Variants in WDR44 observed in about 807,000 individuals in gnomAD.
WDR44 encodes the protein WD repeat-containing protein 44.
Under a neutral mutation model 65.7 loss-of-function variants are expected in WDR44, and 9 were observed. The observed-to-expected ratio is 0.14, with a 90% CI of 0.08 to 0.24. The LOEUF (loss-of-function observed/expected upper bound fraction) is 0.24. WDR44 is among the 10% of genes least tolerant of loss of function. WDR44 has a pLI of 1.00. For missense variants in WDR44, 425 were observed against 670.9 expected, an observed-to-expected ratio of 0.63 and a Z score of 4.05; for synonymous variants, 220 against 235.2, an observed-to-expected ratio of 0.94 and a Z score of 0.59.
intron 8 of WDR44, among the ~76,000 whole-genome samples, chrX:118,403,514 G>A (rs949527826): frequency 1.1e-4 from 12 of 111,052 alleles, no homozygotes; most frequent in African/African-American, 3.3e-4. Context: ...AAAAAATTTA[G>A]TTTATTTCCA....
chrX:118,418,628 T>C (rs2057077541), intron 12 of WDR44, among the ~76,000 whole-genome samples: 1 of 110,323 alleles, frequency 9.1e-6, no homozygotes, highest in Admixed American at 9.7e-5. Context: ...TTAGCTTTGG[T>C]GGTTTAATTT....
chrX:118,393,358 G>A (rs2056836937), intron 4 of WDR44, 87 bp downstream of exon 4: 4 of 1,022,893 alleles, frequency 3.9e-6, no homozygotes, highest in Non-Finnish European at 2.6e-6. Flanking sequence ...CAAGGCGGGC[G>A]GATCGCTTGA....
intron 13 of WDR44, among the ~76,000 whole-genome samples, chrX:118,434,301 T>A (rs953362380): frequency 9.0e-6 from 1 of 111,318 alleles, no homozygotes; most frequent in Non-Finnish European, 1.9e-5. Flanking sequence ...GTCTTCCTGG[T>A]CCTTGACGAT....
At position 118,378,050 on chromosome X, in the gene WDR44, G is replaced by A. The variant is rs748365102; in HGVS notation, c.78-369G>A. 3.1e-3 allele frequency among the ~76,000 whole-genome samples: 339 copies of A among 110,245 alleles called. 1 individual carries two copies. The highest frequency in any genetic ancestry group is 0.011 in the African/African-American group (319 of 30,267). On this transcript the variant is annotated intron_variant, in intron 1 of 19. Transcript: ENST00000254029. ...CGGCTCACTGAAACCTCCGCCTCCCGGTTCAAGTGATTCTCCTGCCTCAGC... is the reference window on the plus strand; with the variant it reads ...CGGCTCACTGAAACCTCCGCCTCCCAGTTCAAGTGATTCTCCTGCCTCAGC...
At chrX:118,367,620 C>A (rs2056565544) in intron 1 of WDR44, among the ~76,000 whole-genome samples, 1 of 111,592 alleles carries the variant, frequency 9.0e-6, no homozygotes, top group African/African-American at 3.3e-5. Flanking sequence ...CTTCACTAGG[C>A]CTTAGCATAA....
At chrX:118,369,757 A>G (rs1477616463) in intron 1 of WDR44, among the ~76,000 whole-genome samples, 1 of 112,105 alleles carries the variant, frequency 8.9e-6, no homozygotes, top group Non-Finnish European at 1.9e-5. Context: ...GTGGGCTACC[A>G]CGTCCAGCCG....
At chrX:118,424,331 A>ATATATATATATATATATATATGTG (rs2057136866) in intron 12 of WDR44, among the ~76,000 whole-genome samples, 5 of 86,573 alleles carry the variant, frequency 5.8e-5, no homozygotes, top group African/African-American at 1.7e-4. Context: ...GTGTATATAT[A>ATATATATATATATATATATATGTG]TATATATATA....
At chrX:118,444,657 C>T (rs769552919) in intron 19 of WDR44, among the ~76,000 whole-genome samples, 163 bp downstream of exon 19, 2 of 112,040 alleles carry the variant, frequency 1.8e-5, no homozygotes, top group Non-Finnish European at 1.9e-5. Flanking sequence ...CGCAGTGACG[C>T]AGTCACACAC....
At chrX:118,378,508 G>GT in intron 2 of WDR44, 56 bp downstream of exon 2, 1 of 1,101,234 alleles carries the variant, frequency 9.1e-7, no homozygotes, top group Non-Finnish European at 1.2e-6. Flanking sequence ...TTTTATTCGT[G>GT]TTTTTGTGTA....
chrX:118,377,724 T>TC (rs1491370607), intron 1 of WDR44, among the ~76,000 whole-genome samples: 37 of 28,962 alleles, frequency 1.3e-3, no homozygotes, highest in African/African-American at 6.2e-3. Context: ...CTTCTCTCTC[T>TC]TTTTTTTTTT....
At chrX:118,383,625 CTG>C (rs1310976678) in intron 2 of WDR44, among the ~76,000 whole-genome samples, 1 of 110,235 alleles carries the variant, frequency 9.1e-6, no homozygotes, top group African/African-American at 3.3e-5. Context: ...TATGCATTAA[CTG>C]TTATTTATTT....
At chrX:118,441,258 C>A (rs2057304061) in intron 14 of WDR44, 110 bp from the exon 15 acceptor site, 2 of 763,789 alleles carry the variant, frequency 2.6e-6, no homozygotes, top group Non-Finnish European at 3.8e-6. Flanking sequence ...CGCACCTGGC[C>A]CTGAAATCTA....
intron 1 of WDR44, among the ~76,000 whole-genome samples, chrX:118,353,287 G>A (rs1048658545): frequency 1.3e-4 from 15 of 111,766 alleles, no homozygotes; most frequent in Admixed American, 1.1e-3. Context: ...AAGCACCTAC[G>A]ACATAATGTG....
chrX:118,430,415 G>T (rs1314003409), intron 12 of WDR44, among the ~76,000 whole-genome samples: 2 of 106,470 alleles, frequency 1.9e-5, no homozygotes, highest in Non-Finnish European at 3.9e-5. Context: ...GGTGGCAGGC[G>T]CCTGTAATCC....
rs758417491 is a variant in WDR44, at chrX:118,395,349, A to C, written c.1053+5A>C. The C allele has an allele frequency of 1.3e-5, 15 of 1,187,363 alleles. No homozygotes were observed. Among genetic ancestry groups the C allele is most frequent in the Middle Eastern group, 2.4e-4 (1 of 4,246 alleles). ...GGGAGAGAGCTTACTGATGAGGTAG[A>C]AATAGATTTTTTTGTTCTTGTTCTT... is the stretch of plus-strand genomic sequence containing the variant. On this transcript the variant is annotated splice_donor_5th_base_variant and intron_variant, in intron 6 of 19. Coordinates refer to ENST00000254029, the MANE Select transcript of WDR44 (RefSeq NM_019045.5).
intron 1 of WDR44, among the ~76,000 whole-genome samples, chrX:118,351,065 G>A (rs1258167481): frequency 8.9e-6 from 1 of 112,024 alleles, no homozygotes; most frequent in East Asian, 2.8e-4. Flanking sequence ...TTTTAAGATG[G>A]TTTACTTGAC....
chrX:118,445,184 A>T (rs1183263026), intron 19 of WDR44: 1 of 216,907 alleles, frequency 4.6e-6, no homozygotes, highest in Non-Finnish European at 8.5e-6. Context: ...AATCCTAGCT[A>T]CTCGGGATGC....
chrX:118,405,911 C>T (rs927938066), intron 9 of WDR44, among the ~76,000 whole-genome samples: 3 of 111,067 alleles, frequency 2.7e-5, no homozygotes, highest in Non-Finnish European at 5.7e-5. Context: ...GAGGCCAAGA[C>T]AGGAGAACCG....
intron 12 of WDR44, among the ~76,000 whole-genome samples, chrX:118,427,927 G>A (rs959733536): frequency 6.4e-5 from 7 of 109,199 alleles, no homozygotes; most frequent in African/African-American, 9.9e-5. Context: ...TGCCCGCCTC[G>A]GCCTCCCAAA....
Sources: gnomAD v4.1 joint callset for allele counts (sites outside exome capture counted in the v4.1 genomes callset) on GRCh38, gnomAD v4.1.1 for gene constraint, MANE v1.5 for transcripts, NCBI Gene and HGNC (gene_info 2026-07-23, HGNC 2026-07-21) for gene names.